Variants in SPTB observed in about 807,000 individuals in gnomAD.
SPTB encodes the protein spectrin beta, erythrocytic, also known as spectrin beta chain, erythrocytic.
In SPTB, 45 loss-of-function variants were observed where a neutral mutation model predicts 256.2. The observed-to-expected ratio is 0.18, with a 90% confidence interval of 0.14 to 0.23. The LOEUF (loss-of-function observed/expected upper bound fraction) is 0.23, where lower values mean the gene tolerates loss of function less well. Ranked by LOEUF, SPTB falls within the 10% of genes least tolerant of loss-of-function variation. The pLI, the probability that SPTB is intolerant of heterozygous loss-of-function variation, is 1.00. For synonymous variants in SPTB, 1,231 were observed against 1,243.1 expected (o/e 0.99, Z 0.21); for missense variants, 2,715 against 3,040.4 (o/e 0.89, Z 2.52).
intron 2 of SPTB, among the ~76,000 whole-genome samples, chr14:64,815,310 C>CA (rs762265901): frequency 2.0e-5 from 3 of 151,976 alleles, no homozygotes; most frequent in Admixed American, 6.5e-5. Flanking sequence ...CGCGAAGGAG[C>CA]ATGTGAGGTA....
At chr14:64,812,496 G>A (rs1172832097) in intron 2 of SPTB, among the ~76,000 whole-genome samples, 1 of 152,186 alleles carries the variant, frequency 6.6e-6, no homozygotes, top group Non-Finnish European at 1.5e-5. Flanking sequence ...CACCCACACA[G>A]CTACTTCTGA....
In SPTB at chr14:64,785,697, C is replaced by T. The variant is rs1402693707; in HGVS notation, c.3764+52G>A. ...GGGTCCTCACCAAGCTTGGGGTCCT[C>T]ACTACCCCCGTGTGGCTCTGGGGGC... On this transcript the variant is annotated intron_variant, in intron 17 of 35. Transcript: ENST00000644917. This position sits in a 1 kb window ranked among gnomAD's most constrained non-coding sequence, Gnocchi z 4.4. The T allele has an allele frequency of 6.2e-7, 1 of 1,613,428 alleles. No homozygotes were observed. The highest frequency in any genetic ancestry group is 1.7e-5 in the Admixed American group (1 of 60,020).
In SPTB at chr14:64,750,063, C is replaced by A. The variant is rs1347699047; in HGVS notation, c.6694G>T (p.Gly2232Trp). 6.2e-7 allele frequency: 1 copy of A among 1,614,170 alleles called. No individual in the cohort carries two copies. The highest frequency in any genetic ancestry group is 2.2e-5 in the East Asian group (1 of 44,880). Reference sequence around the variant, plus strand: ...TGTCTCAGGGCCAGGGGTTCCTCCCCATGGTAGGGCATCCCCAGGGCCAGG... The same window carrying A: ...TGTCTCAGGGCCAGGGGTTCCTCCCAATGGTAGGGCATCCCCAGGGCCAGG... The part of the protein sequence containing the change: ...KNLALGMPYH[G>W]EEPLALRHAI... The change falls in exon 34 of 36, where the codon GGG (glycine) becomes TGG (tryptophan). Residue 2232 changes from glycine to tryptophan, a missense_variant. Physicochemically the swap from Gly to Trp is radical, Grantham distance 184. Around this residue, in one of 4 missense-constraint regions of SPTB, gnomAD observed 2,239 missense variants for 2,384.4 expected, o/e 0.94. Coordinates refer to ENST00000644917, the MANE Select transcript of SPTB (RefSeq NM_001355436.2).
Position 64,790,164 on chromosome 14 carries a change from A to C in SPTB, c.2804+1555T>G, listed in dbSNP as rs952942755. On this transcript the variant is annotated intron_variant, in intron 15 of 35. Coordinates refer to ENST00000644917, the MANE Select transcript of SPTB (RefSeq NM_001355436.2). The surrounding 1 kb of genome is among the most constrained non-coding windows in gnomAD (Gnocchi z 4.8). The stretch of plus-strand genomic sequence containing the variant: ...GAGTGAGTTCCCCATCACTGGCTAG[A>C]CTGGGTGACTTCTCAGGTTCCTTTC... Among the ~76,000 whole-genome samples, 4 of 152,152 alleles carry C rather than the reference A, an allele frequency of 2.6e-5. No homozygotes were observed. Among genetic ancestry groups the C allele is most frequent in the Non-Finnish European group, 4.4e-5 (3 of 68,038 alleles).
Position 64,791,867 on chromosome 14 carries a change from C to G in SPTB, c.2667-11G>C, listed in dbSNP as rs768848007. 2.7e-5 allele frequency: 44 copies of G among 1,614,016 alleles called. No individual in the cohort carries two copies. Among genetic ancestry groups the G allele is most frequent in the Non-Finnish European group, 3.2e-5 (38 of 1,180,024 alleles). The stretch of plus-strand genomic sequence containing the variant: ...TCCAGGATGTCGAACCTGATATGGG[C>G]AAAGGAAAATATGAGGATGGGTGAG... On this transcript the variant is annotated splice_polypyrimidine_tract_variant and intron_variant, in intron 14 of 35. Coordinates refer to ENST00000644917, the MANE Select transcript of SPTB (RefSeq NM_001355436.2).
At chr14:64,817,885 G>A (rs374947) in intron 2 of SPTB, among the ~76,000 whole-genome samples, 6,409 of 152,264 alleles carry the variant, frequency 0.042, 444 homozygotes, top group African/African-American at 0.15. Flanking sequence ...ACTTAACCTC[G>A]GGACCTGCAT....
intron 27 of SPTB, among the ~76,000 whole-genome samples, 173 bp downstream of exon 27, chr14:64,770,712 C>G (rs2082266949): frequency 1.3e-5 from 2 of 152,238 alleles, no homozygotes; most frequent in African/African-American, 4.8e-5. Flanking sequence ...GAAGCTGACC[C>G]AGGCCATTTC....
Position 64,793,793 on chromosome 14 carries a change from T to C in SPTB, c.1870A>G (p.Asn624Asp), listed in dbSNP as rs779261630. Residue 624 changes from asparagine to aspartate, a missense_variant, in exon 14 of 36, where the codon AAC (asparagine) becomes GAC (aspartate). Physicochemically the swap from Asn to Asp is conservative, Grantham distance 23 (BLOSUM62 1). Around this residue, in one of 4 missense-constraint regions of SPTB, gnomAD observed 2,239 missense variants for 2,384.4 expected, o/e 0.94. Coordinates refer to ENST00000644917, the MANE Select transcript of SPTB (RefSeq NM_001355436.2). The surrounding 1 kb of genome is among the most constrained non-coding windows in gnomAD (Gnocchi z 7.0). The part of the protein sequence containing the change: ...HLEQCFEELS[N>D]MAAGRKAQLE... ...TGGGCCTTCCGCCCAGCTGCCATGT[T>C]GCTCAGCTCCTCAAAGCACTGCTCC... is the stretch of plus-strand genomic sequence containing the variant. 10 of 1,613,642 alleles carry C rather than the reference T, an allele frequency of 6.2e-6. No homozygotes were observed. Among genetic ancestry groups the C allele is most frequent in the African/African-American group, 1.3e-5 (1 of 74,930 alleles).
At chr14:64,784,522 T>C in intron 18 of SPTB, 129 bp from the exon 19 acceptor site, 1 of 1,236,478 alleles carries the variant, frequency 8.1e-7, no homozygotes, top group Non-Finnish European at 1.2e-6. Context: ...AGAGAACCCA[T>C]CTGCAGTTCT....
At position 64,785,418 on chromosome 14, in the gene SPTB, C is replaced by T. The variant is rs1481746231; in HGVS notation, c.3855+119G>A. The T allele has an allele frequency of 3.3e-6, 3 of 896,700 alleles. No homozygotes were observed. The highest frequency in any genetic ancestry group is 3.3e-5 in the African/African-American group (2 of 60,316). 55.5% of individuals were successfully genotyped at this position (896,700 alleles called of 1,614,324 possible). A position where few individuals can be genotyped will look rare whatever the true frequency, so the allele number is the denominator to read the frequency against. On this transcript the variant is annotated intron_variant, in intron 18 of 35. Transcript: ENST00000644917. This position sits in a 1 kb window ranked among gnomAD's most constrained non-coding sequence, Gnocchi z 4.4. ...CCAATTAAGTACCCAGAGGTCCCCG[C>T]TCATGGAATCCCACAGCTCTTGAGC...
chr14:64,746,540 G>GGGAGGAA lies in SPTB; in HGVS notation c.*2759_*2765dup, dbSNP rs1200464606. 1.3e-5 allele frequency: 2 copies of GGGAGGAA among 152,606 alleles called. No homozygotes were observed. Among genetic ancestry groups the GGGAGGAA allele is most frequent in the African/African-American group, 4.8e-5 (2 of 41,448 alleles). The allele number at this position is 152,606 out of a possible 1,614,324, so 9.5% of individuals were successfully genotyped here. A position where few individuals can be genotyped will look rare whatever the true frequency, so the allele number is the denominator to read the frequency against. On this transcript the variant is annotated 3_prime_UTR_variant, in exon 36 of 36. Coordinates refer to ENST00000644917, the MANE Select transcript of SPTB (RefSeq NM_001355436.2). The surrounding 1 kb of genome is among the most constrained non-coding windows in gnomAD (Gnocchi z 4.9). ...TGGATTCCTGCCCCCCTCCCATGAA[G>GGGAGGAA]GGAGGAAGAGGATTCAGGGTCAGCC... is the stretch of plus-strand genomic sequence containing the variant.
chr14:64,761,192 C>T (rs1013345272), intron 32 of SPTB, among the ~76,000 whole-genome samples: 1 of 152,180 alleles, frequency 6.6e-6, no homozygotes, highest in African/African-American at 2.4e-5. Flanking sequence ...TGTCTGATAT[C>T]TCAGCTCTTG....
chr14:64,752,845 TTTC>T (rs1393875095), intron 33 of SPTB, among the ~76,000 whole-genome samples: 1 of 152,108 alleles, frequency 6.6e-6, no homozygotes, highest in Non-Finnish European at 1.5e-5. Flanking sequence ...GCTGCCCTAT[TTTC>T]TTGGGACCCT....
intron 1 of SPTB, among the ~76,000 whole-genome samples, chr14:64,846,758 T>C (rs2083700102): frequency 6.6e-6 from 1 of 152,202 alleles, no homozygotes; most frequent in African/African-American, 2.4e-5. Context: ...TTGTTTAAAT[T>C]GGGTCTAAAT....
In SPTB at chr14:64,822,849, C is replaced by G. The variant is rs1296115242; in HGVS notation, c.148+98G>C. 2.6e-6 allele frequency: 4 copies of G among 1,560,082 alleles called. No individual in the cohort carries two copies. In the African/African-American group the frequency reaches 5.4e-5, roughly 21 times the overall value. ...CGTCTCCATCACTGCCATGCCAGGG[C>G]TCACCCAACACACACAGAGGATTCA... On this transcript the variant is annotated intron_variant, in intron 2 of 35. Coordinates refer to ENST00000644917, the MANE Select transcript of SPTB (RefSeq NM_001355436.2).
At chr14:64,812,494 C>T (rs1440374064) in intron 2 of SPTB, among the ~76,000 whole-genome samples, 2 of 152,206 alleles carry the variant, frequency 1.3e-5, no homozygotes, top group Admixed American at 6.5e-5. Flanking sequence ...GACACCCACA[C>T]AGCTACTTCT....
At chr14:64,819,282 A>G (rs1171581503) in intron 2 of SPTB, among the ~76,000 whole-genome samples, 1 of 152,210 alleles carries the variant, frequency 6.6e-6, no homozygotes, top group Non-Finnish European at 1.5e-5. Flanking sequence ...AAGACCTGGG[A>G]GTGGTATGAA....
At position 64,767,316 on chromosome 14, in the gene SPTB, C is replaced by A. The variant is rs746553902; in HGVS notation, c.6256G>T (p.Ala2086Ser). ...LKERQIAERPAEETGPQEEEG... is the reference protein window; with the variant it reads ...LKERQIAERPSEETGPQEEEG... ...GCCACCACTCACCCAGTCTCCTCTG[C>A]GGGTCTCTCTGCAATCTGGCGTTCT... Residue 2086 changes from alanine (A) to serine (S), a missense_variant, in exon 31 of 36, where the codon GCA (alanine) becomes TCA (serine). By Grantham distance (99) the Ala-to-Ser change is moderately conservative. Coordinates refer to ENST00000644917, the MANE Select transcript of SPTB (RefSeq NM_001355436.2). 13 of 1,614,008 alleles carry A rather than the reference C, an allele frequency of 8.1e-6. No homozygotes were observed. Among genetic ancestry groups the A allele is most frequent in the Non-Finnish European group, 1.1e-5 (13 of 1,180,026 alleles).
chr14:64,813,348 A>T (rs753561803), intron 2 of SPTB, among the ~76,000 whole-genome samples: 1 of 152,178 alleles, frequency 6.6e-6, no homozygotes, highest in African/African-American at 2.4e-5. Context: ...TCAGAAAGAT[A>T]AGTAGGAGCC....
Sources: allele counts gnomAD v4.1 joint callset (sites outside exome capture counted in the v4.1 genomes callset), GRCh38; gene constraint gnomAD v4.1.1; regional missense constraint gnomAD v4.1.1; non-coding constraint Gnocchi (gnomAD v3.1); transcripts MANE v1.5; gene names NCBI Gene and HGNC (gene_info 2026-07-23, HGNC 2026-07-21).